The following ATP6V0D1 variants were observed in gnomAD, a reference collection of about 807,000 sequenced individuals.
ATP6V0D1 encodes V-type proton ATPase subunit d 1.
Under a neutral mutation model 39.0 loss-of-function variants are expected in ATP6V0D1, and 13 were observed. The observed-to-expected ratio is 0.33, with a 90% CI of 0.22 to 0.53. The LOEUF (loss-of-function observed/expected upper bound fraction) is 0.53, where lower values mean the gene tolerates loss of function less well. Ranked by LOEUF, ATP6V0D1 falls within the 20% of genes least tolerant of loss-of-function variation. The pLI, the probability that ATP6V0D1 is intolerant of heterozygous loss-of-function variation, is 0.94. For missense variants in ATP6V0D1, 272 were observed against 470.9 expected (o/e 0.58, Z 3.91); for synonymous variants, 191 against 191.2 (o/e 1.00, Z 0.01).
At chr16:67,466,101 ACTC>A (rs1460956906) in intron 1 of ATP6V0D1, among the ~76,000 whole-genome samples, 7 of 151,638 alleles carry the variant, frequency 4.6e-5, no homozygotes, top group Non-Finnish European at 8.8e-5. Flanking sequence ...ACTGCCTCAG[ACTC>A]CTGGTCAGCA....
intron 1 of ATP6V0D1, chr16:67,457,413 C>A: frequency 2.4e-6 from 1 of 423,428 alleles, no homozygotes. Flanking sequence ...TTCCCCAGCC[C>A]TTGACCCAGG....
Position 67,453,619 on chromosome 16 carries a change from T to G in ATP6V0D1, c.227A>C (p.Glu76Ala). 2 of 1,614,148 alleles carry G rather than the reference T, an allele frequency of 1.2e-6. No individual in the cohort carries two copies. The highest frequency in any genetic ancestry group is 2.2e-5 in the South Asian group (2 of 91,078). ...TVSVIDDRLK[E>A]KMVVEFRHMR... Reference sequence around the variant, plus strand: ...GTGGCGGAACTCCACCACCATCTTCTCCTTGAGCCGGTCATCGATGACTGA... The same window carrying G: ...GTGGCGGAACTCCACCACCATCTTCGCCTTGAGCCGGTCATCGATGACTGA... The change falls in exon 2 of 8, where the codon GAG (glutamate) becomes GCG (alanine). Residue 76 changes from glutamate to alanine, a missense_variant. By Grantham distance (107) the Glu-to-Ala change is moderately radical. Transcript: ENST00000290949. The surrounding 1 kb of genome is among the most constrained non-coding windows in gnomAD (Gnocchi z 4.1).
chr16:67,470,237 A>G (rs2041362083), intron 1 of ATP6V0D1, among the ~76,000 whole-genome samples: 1 of 152,236 alleles, frequency 6.6e-6, no homozygotes, highest in Non-Finnish European at 1.5e-5. Context: ...CACGGTATAT[A>G]CATGCAGTGT....
At chr16:67,458,984 C>T (rs1003906485) in intron 1 of ATP6V0D1, 1 of 920,458 alleles carries the variant, frequency 1.1e-6, no homozygotes, top group Non-Finnish European at 1.3e-6. Flanking sequence ...ATGAAGTCCT[C>T]CAAATTGAAT....
chr16:67,466,562 C>T (rs939143345), intron 1 of ATP6V0D1, among the ~76,000 whole-genome samples: 1 of 151,280 alleles, frequency 6.6e-6, no homozygotes, highest in Non-Finnish European at 1.5e-5. Context: ...TGGCCGGGCA[C>T]GGTGGCTCAC....
At chr16:67,463,493 C>T (rs1347091652) in intron 1 of ATP6V0D1, among the ~76,000 whole-genome samples, 2 of 151,366 alleles carry the variant, frequency 1.3e-5, no homozygotes, top group Non-Finnish European at 2.9e-5. Context: ...CACTGTCCTC[C>T]AGCCTAGGTG....
At chr16:67,457,233 T>C (rs2041246661) in intron 1 of ATP6V0D1, 1 of 261,276 alleles carries the variant, frequency 3.8e-6, no homozygotes, top group African/African-American at 2.2e-5. Context: ...CTCTCAACCA[T>C]GCCCATCTCA....
At chr16:67,473,093 A>G (rs2041387422) in intron 1 of ATP6V0D1, among the ~76,000 whole-genome samples, 1 of 151,400 alleles carries the variant, frequency 6.6e-6, no homozygotes, top group African/African-American at 2.4e-5. Flanking sequence ...CTCGACACAC[A>G]CTCTACTTTC....
At chr16:67,468,142 T>C (rs1006290034) in intron 1 of ATP6V0D1, among the ~76,000 whole-genome samples, 1 of 151,634 alleles carries the variant, frequency 6.6e-6, no homozygotes, top group Non-Finnish European at 1.5e-5. Flanking sequence ...AAATAAAAAA[T>C]TAGCCAGACA....
At chr16:67,442,604 G>A (rs2041065965) in intron 4 of ATP6V0D1, among the ~76,000 whole-genome samples, 1 of 152,210 alleles carries the variant, frequency 6.6e-6, no homozygotes, top group South Asian at 2.1e-4. Context: ...GGTGGGCAGG[G>A]GATGAGGACA....
rs1438439909 is a variant in ATP6V0D1 at position 67,453,734 on chromosome 16, G to A, written c.131-19C>T. On this transcript the variant is annotated intron_variant, in intron 1 of 7. Coordinates refer to ENST00000290949, the MANE Select transcript of ATP6V0D1 (RefSeq NM_004691.5). The surrounding 1 kb of genome is among the most constrained non-coding windows in gnomAD (Gnocchi z 4.1). ...TTCAAGTCTGAAACCCAAGGGTAGG[G>A]GGTAAGGGCTAGCCTTGCTGGGCCT... 1.2e-6 allele frequency: 2 copies of A among 1,612,198 alleles called. No homozygotes were observed. The highest frequency in any genetic ancestry group is 8.5e-7 in the Non-Finnish European group (1 of 1,179,352).
chr16:67,441,795 C>T (rs1047659328), intron 4 of ATP6V0D1: 27 of 152,246 alleles, frequency 1.8e-4, no homozygotes, highest in Admixed American at 1.8e-3. Flanking sequence ...GTTCCTAGCG[C>T]AGTCTGAAGG....
intron 1 of ATP6V0D1, among the ~76,000 whole-genome samples, chr16:67,471,796 C>G (rs2041375454): frequency 6.6e-6 from 1 of 151,504 alleles, no homozygotes; most frequent in South Asian, 2.1e-4. Flanking sequence ...CTCAGCCTCC[C>G]ATATTATTAT....
intron 1 of ATP6V0D1, among the ~76,000 whole-genome samples, chr16:67,476,309 A>G (rs1405971426): frequency 6.6e-6 from 1 of 152,238 alleles, no homozygotes; most frequent in Non-Finnish European, 1.5e-5. Context: ...AGTCAACTGA[A>G]AAAGCTTCCA....
At chr16:67,474,699 C>G (rs2041400953) in intron 1 of ATP6V0D1, among the ~76,000 whole-genome samples, 1 of 152,174 alleles carries the variant, frequency 6.6e-6, no homozygotes, top group Admixed American at 6.5e-5. Context: ...CCATGGTTAT[C>G]TCTTGGGGAC....
chr16:67,475,216 T>A (rs1333115348), intron 1 of ATP6V0D1, among the ~76,000 whole-genome samples: 1 of 152,144 alleles, frequency 6.6e-6, no homozygotes, highest in Non-Finnish European at 1.5e-5. Context: ...TCCTTAACTT[T>A]CCAGCCACAG....
rs78648021 is a variant in ATP6V0D1 at position 67,447,994 on chromosome 16, T to G, written c.303-3288A>C. ...TGGAAAGTGAACAGAAATATCACTG[T>G]TTCTGAGCTCTGTCCATGGCCTCAG... is the stretch of plus-strand genomic sequence containing the variant. On this transcript the variant is annotated intron_variant, in intron 2 of 7. Transcript: ENST00000290949. This position sits in a 1 kb window ranked among gnomAD's most constrained non-coding sequence, Gnocchi z 4.1. Among the ~76,000 whole-genome samples the G allele has an allele frequency of 1.6e-3, 239 of 152,260 alleles. 2 individuals carry two copies. The East Asian group carries it at 0.025, about 16-fold the overall frequency.
intron 2 of ATP6V0D1, among the ~76,000 whole-genome samples, chr16:67,448,270 T>C (rs1188800707): frequency 7.0e-6 from 1 of 143,716 alleles, no homozygotes; most frequent in Non-Finnish European, 1.5e-5. Flanking sequence ...GAGGATCACT[T>C]GAGCCCAGGA....
intron 1 of ATP6V0D1, among the ~76,000 whole-genome samples, chr16:67,454,257 C>A (rs1248034644): frequency 6.6e-6 from 1 of 152,146 alleles, no homozygotes; most frequent in Non-Finnish European, 1.5e-5. Context: ...AGGGCAGGGG[C>A]AAGAAAGTAC....
Sources: gnomAD v4.1 joint callset for allele counts (sites outside exome capture counted in the v4.1 genomes callset) on GRCh38, gnomAD v4.1.1 for gene constraint, Gnocchi (gnomAD v3.1) non-coding constraint, MANE v1.5 for transcripts, NCBI Gene and HGNC (gene_info 2026-07-23, HGNC 2026-07-21) for gene names.